SENP7: variants seen among roughly 807,000 people sequenced by gnomAD.
SENP7 encodes the protein SUMO specific peptidase 7, also known as sentrin-specific protease 7.
In SENP7, 64 loss-of-function variants were observed where a neutral mutation model predicts 141.2. The ratio of observed to expected loss-of-function variants is 0.45; its 90% CI spans 0.37 to 0.56. The LOEUF (loss-of-function observed/expected upper bound fraction) is 0.56, where lower values mean the gene tolerates loss of function less well. Ranked by LOEUF, SENP7 falls within the 20% of genes least tolerant of loss-of-function variation. SENP7 has a pLI of 0.00. For synonymous variants in SENP7, 382 were observed against 426.4 expected (o/e 0.90, Z 1.28); for missense variants, 1,025 against 1,212.2 (o/e 0.85, Z 2.29).
intron 2 of SENP7, among the ~76,000 whole-genome samples, chr3:101,499,698 G>A (rs569636622): frequency 8.6e-4 from 131 of 152,062 alleles, no homozygotes; most frequent in African/African-American, 2.8e-3. Flanking sequence ...ACCACACCCC[G>A]CTAATTTTTG....
At chr3:101,481,160 A>T (rs1437675816) in intron 3 of SENP7, among the ~76,000 whole-genome samples, 1 of 152,138 alleles carries the variant, frequency 6.6e-6, no homozygotes, top group Admixed American at 6.6e-5. Context: ...AAAGGAAAAC[A>T]ATATTTCAAT....
In SENP7 at chr3:101,507,256, C is replaced by T. The variant is rs148865080; in HGVS notation, c.40+5835G>A. On this transcript the variant is annotated intron_variant, in intron 1 of 23. Coordinates refer to ENST00000394095, the MANE Select transcript of SENP7 (RefSeq NM_020654.5). ...GTTATTCATCAGGAAGGCATTATAACAGAATTCTAGTCTGGATCTTTGGAG... is the reference window on the plus strand; with the variant it reads ...GTTATTCATCAGGAAGGCATTATAATAGAATTCTAGTCTGGATCTTTGGAG... Among the ~76,000 whole-genome samples the T allele has an allele frequency of 1.1e-3, 168 of 152,284 alleles. 4 individuals are homozygous for T. In the East Asian group the frequency reaches 0.015, roughly 14 times the overall value.
At chr3:101,354,800 T>C (rs2059697384) in intron 11 of SENP7, among the ~76,000 whole-genome samples, 1 of 152,188 alleles carries the variant, frequency 6.6e-6, no homozygotes, top group Admixed American at 6.6e-5. Context: ...TTTAGCTCTT[T>C]GAGGGATCGC....
At chr3:101,330,213 C>T in intron 20 of SENP7, 121 bp downstream of exon 20, 1 of 594,184 alleles carries the variant, frequency 1.7e-6, no homozygotes, top group East Asian at 3.1e-5. Flanking sequence ...GTCAAAGAAT[C>T]ACAAAGCAGC....
At chr3:101,332,255 T>C (rs2107120775) in intron 18 of SENP7, 146 bp from the exon 19 acceptor site, 1 of 759,908 alleles carries the variant, frequency 1.3e-6, no homozygotes, top group East Asian at 2.8e-5. Context: ...ATATAGAGCA[T>C]ACATATCAAC....
chr3:101,457,779 G>A, intron 4 of SENP7: 1 of 659,682 alleles, frequency 1.5e-6, no homozygotes, highest in Non-Finnish European at 2.6e-6. Flanking sequence ...TTGGTGCTAA[G>A]AGGGTCCTGG....
chr3:101,487,694 C>G (rs573049504), intron 3 of SENP7, among the ~76,000 whole-genome samples: 25 of 152,244 alleles, frequency 1.6e-4, no homozygotes, highest in African/African-American at 5.8e-4. Context: ...GCCAGCTGTC[C>G]CAGCAGCATT....
intron 3 of SENP7, among the ~76,000 whole-genome samples, chr3:101,480,809 G>T (rs2064439243): frequency 6.6e-6 from 1 of 152,022 alleles, no homozygotes. Flanking sequence ...TTAAACAGTG[G>T]GCAAAGGGCA....
At chr3:101,329,562 A>C (rs1290366402) in intron 20 of SENP7, among the ~76,000 whole-genome samples, 1 of 152,128 alleles carries the variant, frequency 6.6e-6, no homozygotes, top group Non-Finnish European at 1.5e-5. Context: ...TTGGAGCTCC[A>C]AATAAGGAAG....
intron 4 of SENP7, among the ~76,000 whole-genome samples, chr3:101,451,489 A>G (rs1463791642): frequency 1.3e-5 from 2 of 152,244 alleles, no homozygotes; most frequent in Non-Finnish European, 2.9e-5. Context: ...AACCGAATCC[A>G]GCAGCACATC....
At chr3:101,493,831 A>C in intron 3 of SENP7, 42 bp downstream of exon 3, 1 of 1,178,252 alleles carries the variant, frequency 8.5e-7, no homozygotes, top group Non-Finnish European at 1.2e-6. Flanking sequence ...AAACATACCA[A>C]ATAAAACTGT....
chr3:101,365,330 T>A (rs1022838441), intron 9 of SENP7, among the ~76,000 whole-genome samples: 6 of 151,588 alleles, frequency 4.0e-5, no homozygotes, highest in South Asian at 2.1e-4. Flanking sequence ...TGTGTAACAA[T>A]CACATATCAA....
At chr3:101,379,491 CA>C (rs1158832341) in intron 6 of SENP7, among the ~76,000 whole-genome samples, 3 of 151,748 alleles carry the variant, frequency 2.0e-5, no homozygotes, top group African/African-American at 7.2e-5. Flanking sequence ...CTACAACTTA[CA>C]AAAAAAATCC....
rs35151705 is a variant in SENP7, at chr3:101,341,692, G to C, written c.2194C>G (p.Pro732Ala). ...GCYSLSITSN[P>A]DEEWREVRHT... is the part of the protein sequence containing the mutation. ...CTGACTTCTCGCCATTCTTCATCTGGATTAGATGTAATAGAAAGGGAGTAG... is the reference window on the plus strand; with the variant it reads ...CTGACTTCTCGCCATTCTTCATCTGCATTAGATGTAATAGAAAGGGAGTAG... The change falls in exon 15 of 24, where the codon CCA becomes GCA. Residue 732 changes from proline (P) to alanine (A), a missense_variant. Around this residue, in one of 4 missense-constraint regions of SENP7, gnomAD observed 295 missense variants for 459.1 expected, o/e 0.64. Coordinates refer to ENST00000394095, the MANE Select transcript of SENP7 (RefSeq NM_020654.5). 6.2e-7 allele frequency: 1 copy of C among 1,611,074 alleles called. No homozygotes were observed. The highest frequency in any genetic ancestry group is 1.3e-5 in the African/African-American group (1 of 75,006).
At chr3:101,474,552 T>C (rs2064139024) in intron 3 of SENP7, among the ~76,000 whole-genome samples, 1 of 152,180 alleles carries the variant, frequency 6.6e-6, no homozygotes, top group Admixed American at 6.5e-5. Flanking sequence ...TTTGCTGAAG[T>C]TGCTTATCAG....
At chr3:101,454,200 C>A (rs888069774) in intron 4 of SENP7, among the ~76,000 whole-genome samples, 1 of 152,144 alleles carries the variant, frequency 6.6e-6, no homozygotes, top group South Asian at 2.1e-4. Context: ...GTTATCTATT[C>A]AAGATAAATG....
Position 101,340,111 on chromosome 3 carries a change from T to A in SENP7, c.2341A>T (p.Ile781Phe). 6.3e-7 allele frequency: 1 copy of A among 1,587,646 alleles called. No individual in the cohort carries two copies. Among genetic ancestry groups the A allele is most frequent in the Non-Finnish European group, 8.5e-7 (1 of 1,172,410 alleles). ...TGTACTTACTTAAGGTAAAAATCAA[T>A]GATTACATCATTAAGAAACTCTCCT... ...EEGEFLNDVI[I>F]DFYLKYLILE... The change falls in exon 16 of 24, where the codon ATT becomes TTT. Residue 781 changes from isoleucine (I) to phenylalanine (F), a missense_variant. Ile to Phe is a conservative substitution (Grantham distance 21). This residue lies in a region of SENP7 where 295 missense variants were observed against 459.1 expected (regional missense o/e 0.64). Transcript: ENST00000394095.
At chr3:101,404,896 G>A (rs1007689473) in intron 5 of SENP7, among the ~76,000 whole-genome samples, 1 of 152,178 alleles carries the variant, frequency 6.6e-6, no homozygotes, top group Non-Finnish European at 1.5e-5. Flanking sequence ...AAAACAATGT[G>A]AAGAGACACA....
chr3:101,341,995 T>C (rs549181502), intron 14 of SENP7, among the ~76,000 whole-genome samples: 2 of 152,338 alleles, frequency 1.3e-5, no homozygotes, highest in South Asian at 4.1e-4. Flanking sequence ...GAAGTACTAT[T>C]TGCAGATATG....
Sources: gnomAD v4.1 joint callset for allele counts (sites outside exome capture counted in the v4.1 genomes callset) on GRCh38, gnomAD v4.1.1 for gene constraint, gnomAD v4.1.1 regional missense constraint, MANE v1.5 for transcripts, NCBI Gene and HGNC (gene_info 2026-07-23, HGNC 2026-07-21) for gene names.